The following TMEM107 variants were observed in gnomAD, a reference collection of about 807,000 sequenced individuals.
TMEM107 encodes transmembrane protein 107.
TMEM107 carries 18 observed loss-of-function variants against 16.8 expected under a neutral mutation model. That is an observed-to-expected ratio of 1.07 (90% CI 0.74 to 1.59). TMEM107 has a LOEUF of 1.59. Ranked by LOEUF, TMEM107 falls within the 40% of genes most tolerant of loss-of-function variation. TMEM107 has a pLI of 0.00. For synonymous variants in TMEM107, 68 were observed against 71.6 expected (o/e 0.95, Z 0.25); for missense variants, 152 against 175.4 (o/e 0.87, Z 0.75).
chr17:8,174,170 G>C lies in TMEM107; in HGVS notation c.*33C>G, dbSNP rs1395256847. 1 of 1,604,228 alleles carries C rather than the reference G, an allele frequency of 6.2e-7. No homozygotes were observed. The highest frequency in any genetic ancestry group is 2.2e-5 in the East Asian group (1 of 44,840). On this transcript the variant is annotated 3_prime_UTR_variant, in exon 5 of 5. Transcript: ENST00000437139. ...ATACGAAGCGGCCCTTGCCCCTGTA[G>C]GCTTCGTCCTTAGGTTCCCGTCATG... is the stretch of plus-strand genomic sequence containing the variant.
chr17:8,173,512 T>C lies in TMEM107; in HGVS notation c.*691A>G, dbSNP rs747896326. On this transcript the variant is annotated 3_prime_UTR_variant, in exon 5 of 5. Coordinates refer to ENST00000437139, the MANE Select transcript of TMEM107 (RefSeq NM_183065.4). Reference sequence around the variant, plus strand: ...TGATTACGCAGAGACGTTAATCACGTTTCATGCATCTCCAATCATCATGTT... The same window carrying C: ...TGATTACGCAGAGACGTTAATCACGCTTCATGCATCTCCAATCATCATGTT... The C allele has an allele frequency of 4.6e-5, 35 of 765,310 alleles. No homozygotes were observed. The highest frequency in any genetic ancestry group is 1.9e-4 in the Admixed American group (11 of 59,028). The allele number at this position is 765,310 out of a possible 1,614,324, so 47.4% of individuals were successfully genotyped here. A position where few individuals can be genotyped will look rare whatever the true frequency, so the allele number is the denominator to read the frequency against.
In TMEM107 at chr17:8,173,283, A is replaced by G. The variant is rs543768311; in HGVS notation, c.*920T>C. 35 of 536,200 alleles carry G rather than the reference A, an allele frequency of 6.5e-5. No homozygotes were observed. Among genetic ancestry groups the G allele is most frequent in the African/African-American group, 2.5e-4 (13 of 52,692 alleles). The allele number at this position is 536,200 out of a possible 1,614,324, so 33.2% of individuals were successfully genotyped here. On this transcript the variant is annotated 3_prime_UTR_variant, in exon 5 of 5. Transcript: ENST00000437139. ...AATTCCAGAAAGCAACAAAAACCAA[A>G]TCACAATTTTCAAGAACAAACAAAT...
rs866091800 is a variant in TMEM107 at position 8,173,350 on chromosome 17, G to C, written c.*853C>G. The C allele has an allele frequency of 4.9e-6, 3 of 608,242 alleles. No homozygotes were observed. Among genetic ancestry groups the C allele is most frequent in the African/African-American group, 1.8e-5 (1 of 54,408 alleles). 37.7% of individuals were successfully genotyped at this position (608,242 alleles called of 1,614,324 possible). A position where few individuals can be genotyped will look rare whatever the true frequency, so the allele number is the denominator to read the frequency against. On this transcript the variant is annotated 3_prime_UTR_variant, in exon 5 of 5. Coordinates refer to ENST00000437139, the MANE Select transcript of TMEM107 (RefSeq NM_183065.4). ...ATAGACAAACAGCAATAGCAAGACT[G>C]CAAAATAGACAAACAGCAAGGTTAT...
In TMEM107 at chr17:8,172,865, A is replaced by AC. The variant is rs1983642257; in HGVS notation, c.*1337_*1338insG. On this transcript the variant is annotated 3_prime_UTR_variant, in exon 5 of 5. Coordinates refer to ENST00000437139, the MANE Select transcript of TMEM107 (RefSeq NM_183065.4). Reference sequence around the variant, plus strand: ...AGAGTGAGACTGTCTCAAAAAAAAAAAAAAAAAAAACCAAAAGAGGGGGGT... The same window carrying AC: ...AGAGTGAGACTGTCTCAAAAAAAAAACAAAAAAAAAACCAAAAGAGGGGGGT... Among the ~76,000 whole-genome samples, 1 of 148,192 alleles carries AC rather than the reference A, an allele frequency of 6.7e-6. No homozygotes were observed. Among genetic ancestry groups the AC allele is most frequent in the Non-Finnish European group, 1.5e-5 (1 of 66,710 alleles).
Position 8,173,396 on chromosome 17 carries a change from T to TTC in TMEM107, c.*806_*807insGA, listed in dbSNP as rs1567549321. On this transcript the variant is annotated 3_prime_UTR_variant, in exon 5 of 5. Coordinates refer to ENST00000437139, the MANE Select transcript of TMEM107 (RefSeq NM_183065.4). ...GTTATCCCAGTCAGAACTTCATAGC[T>TTC]ATGTTTGTGGATATCTGCTAATCAG... 322 of 714,408 alleles carry TTC rather than the reference T, an allele frequency of 4.5e-4. No individual in the cohort carries two copies. Among genetic ancestry groups the TTC allele is most frequent in the African/African-American group, 4.2e-3 (243 of 57,904 alleles). 44.3% of individuals were successfully genotyped at this position (714,408 alleles called of 1,614,324 possible). A position where few individuals can be genotyped will look rare whatever the true frequency, so the allele number is the denominator to read the frequency against.
chr17:8,176,212 T>A lies in TMEM107; in HGVS notation c.75A>T (p.Leu25Phe). 1 of 1,613,670 alleles carries A rather than the reference T, an allele frequency of 6.2e-7. No individual in the cohort carries two copies. The highest frequency in any genetic ancestry group is 8.5e-7 in the Non-Finnish European group (1 of 1,179,896). ...CCGTGGGTCTTACCCGGGACCAGAA[T>A]AAGGTGATGACGACCACCAGATGCG... ...LLAHLVVVIT[L>F]FWSRDSNIQA... Residue 25 changes from leucine to phenylalanine, a missense_variant, in exon 1 of 5, where the codon TTA (leucine) becomes TTT (phenylalanine). Leu to Phe is a conservative substitution (Grantham distance 22, BLOSUM62 0). Transcript: ENST00000437139.
At chr17:8,174,344 C>T (rs1338296230) in intron 4 of TMEM107, 72 bp from the exon 5 acceptor site, 5 of 1,462,612 alleles carry the variant, frequency 3.4e-6, no homozygotes, top group Non-Finnish European at 3.8e-6. Context: ...AGAGACCCCA[C>T]CTCTGAAAGT....
rs1983730853 is a variant in TMEM107 at position 8,173,341 on chromosome 17, A to G, written c.*862T>C. ...GACTGCAAAATAGACAAACAGCAAT[A>G]GCAAGACTGCAAAATAGACAAACAG... On this transcript the variant is annotated 3_prime_UTR_variant, in exon 5 of 5. Coordinates refer to ENST00000437139, the MANE Select transcript of TMEM107 (RefSeq NM_183065.4). 5.0e-6 allele frequency: 3 copies of G among 598,776 alleles called. No individual in the cohort carries two copies. The highest frequency in any genetic ancestry group is 1.9e-5 in the African/African-American group (1 of 53,982). 37.1% of individuals were successfully genotyped at this position (598,776 alleles called of 1,614,324 possible).
chr17:8,173,420 A>T lies in TMEM107; in HGVS notation c.*783T>A. The T allele has an allele frequency of 2.7e-6, 2 of 748,112 alleles. No homozygotes were observed. The highest frequency in any genetic ancestry group is 4.9e-6 in the Non-Finnish European group (2 of 407,570). 46.3% of individuals were successfully genotyped at this position (748,112 alleles called of 1,614,324 possible). A position where few individuals can be genotyped will look rare whatever the true frequency, so the allele number is the denominator to read the frequency against. ...CTATGTTTGTGGATATCTGCTAATC[A>T]GCATAACACAAATGTAAGTGATCGT... On this transcript the variant is annotated 3_prime_UTR_variant, in exon 5 of 5. Transcript: ENST00000437139.
At position 8,174,140 on chromosome 17, in the gene TMEM107, C is replaced by T. The variant is rs1353158515; in HGVS notation, c.*63G>A. The T allele has an allele frequency of 6.8e-7, 1 of 1,470,498 alleles. No individual in the cohort carries two copies. The highest frequency in any genetic ancestry group is 9.5e-7 in the Non-Finnish European group (1 of 1,050,294). The allele number at this position is 1,470,498 out of a possible 1,614,324, so 91.1% of individuals were successfully genotyped here. On this transcript the variant is annotated 3_prime_UTR_variant, in exon 5 of 5. Transcript: ENST00000437139. Reference sequence around the variant, plus strand: ...ACCGAAGCCTATGCCTTCCTTCTTCCAGGAATACGAAGCGGCCCTTGCCCC... The same window carrying T: ...ACCGAAGCCTATGCCTTCCTTCTTCTAGGAATACGAAGCGGCCCTTGCCCC...
rs200458465 is a variant in TMEM107, at chr17:8,173,550, C to G, written c.*653G>C. Reference sequence around the variant, plus strand: ...CAATCATCATGTTCTAATCTGCCCTCCGGAGGAGGAACAGGTAAGGATTAT... The same window carrying G: ...CAATCATCATGTTCTAATCTGCCCTGCGGAGGAGGAACAGGTAAGGATTAT... On this transcript the variant is annotated 3_prime_UTR_variant, in exon 5 of 5. Transcript: ENST00000437139. 238 of 765,240 alleles carry G rather than the reference C, an allele frequency of 3.1e-4. 5 individuals are homozygous for G. In the East Asian group the frequency reaches 3.6e-3, roughly 12 times the overall value. 47.4% of individuals were successfully genotyped at this position (765,240 alleles called of 1,614,324 possible). A position where few individuals can be genotyped will look rare whatever the true frequency, so the allele number is the denominator to read the frequency against.
Position 8,173,865 on chromosome 17 carries a change from A to C in TMEM107, c.*338T>G, listed in dbSNP as rs554285174. 2.0e-6 allele frequency: 1 copy of C among 488,416 alleles called. No homozygotes were observed. Among genetic ancestry groups the C allele is most frequent in the African/African-American group, 1.9e-5 (1 of 51,324 alleles). The allele number at this position is 488,416 out of a possible 1,614,324, so 30.3% of individuals were successfully genotyped here. On this transcript the variant is annotated 3_prime_UTR_variant, in exon 5 of 5. Coordinates refer to ENST00000437139, the MANE Select transcript of TMEM107 (RefSeq NM_183065.4). Reference sequence around the variant, plus strand: ...CTCCGCCCACTCCCTTCCGCCAGGCACCTACCGTAGTAACCAAAATAGAAG... The same window carrying C: ...CTCCGCCCACTCCCTTCCGCCAGGCCCCTACCGTAGTAACCAAAATAGAAG...
At chr17:8,174,731 A>G in intron 3 of TMEM107, 115 bp from the exon 4 acceptor site, 1 of 884,064 alleles carries the variant, frequency 1.1e-6, no homozygotes, top group Non-Finnish European at 1.9e-6. Flanking sequence ...CTCCCTCACC[A>G]TGTTTCAAGG....
Position 8,174,530 on chromosome 17 carries a change from C to T in TMEM107, c.343G>A (p.Val115Ile), listed in dbSNP as rs932085393. 1 of 1,613,964 alleles carries T rather than the reference C, an allele frequency of 6.2e-7. No individual in the cohort carries two copies. Among genetic ancestry groups the T allele is most frequent in the African/African-American group, 1.3e-5 (1 of 74,888 alleles). The change falls in exon 4 of 5, where the codon GTC (valine) becomes ATC (isoleucine). Residue 115 changes from valine to isoleucine, a missense_variant. Transcript: ENST00000437139. ...WECTTYWYIF[V>I]FCSALPAVTE... ...TGGATGCTACCACACCTGCAGAAGA[C>T]AAAAATGTACCAATACGTAGTGCAC...
intron 3 of TMEM107, 113 bp from the exon 4 acceptor site, chr17:8,174,729 C>T: frequency 1.1e-6 from 1 of 913,356 alleles, no homozygotes; most frequent in Non-Finnish European, 1.8e-6. Context: ...TGCTCCCTCA[C>T]CATGTTTCAA....
Position 8,173,551 on chromosome 17 carries a change from C to CGGA in TMEM107, c.*649_*651dup, listed in dbSNP as rs1555525628. On this transcript the variant is annotated 3_prime_UTR_variant, in exon 5 of 5. Coordinates refer to ENST00000437139, the MANE Select transcript of TMEM107 (RefSeq NM_183065.4). Reference sequence around the variant, plus strand: ...AATCATCATGTTCTAATCTGCCCTCCGGAGGAGGAACAGGTAAGGATTATC... The same window carrying CGGA: ...AATCATCATGTTCTAATCTGCCCTCCGGAGGAGGAGGAACAGGTAAGGATTATC... The CGGA allele has an allele frequency of 2.6e-6, 2 of 765,024 alleles. No homozygotes were observed. The highest frequency in any genetic ancestry group is 3.4e-5 in the Admixed American group (2 of 58,994). The allele number at this position is 765,024 out of a possible 1,614,324, so 47.4% of individuals were successfully genotyped here. A position where few individuals can be genotyped will look rare whatever the true frequency, so the allele number is the denominator to read the frequency against.
rs142700905 is a variant in TMEM107 at position 8,173,442 on chromosome 17, T to A, written c.*761A>T. 2.6e-6 allele frequency: 2 copies of A among 761,164 alleles called. No individual in the cohort carries two copies. The highest frequency in any genetic ancestry group is 3.4e-5 in the African/African-American group (2 of 59,068). The allele number at this position is 761,164 out of a possible 1,614,324, so 47.2% of individuals were successfully genotyped here. A position where few individuals can be genotyped will look rare whatever the true frequency, so the allele number is the denominator to read the frequency against. ...ATCAGCATAACACAAATGTAAGTGA[T>A]CGTCAGAAAGAATCAGACAGGAGCA... On this transcript the variant is annotated 3_prime_UTR_variant, in exon 5 of 5. Transcript: ENST00000437139.
At chr17:8,174,354 T>C in intron 4 of TMEM107, 82 bp from the exon 5 acceptor site, 1 of 1,411,576 alleles carries the variant, frequency 7.1e-7, no homozygotes, top group East Asian at 2.3e-5. Context: ...CCTCTGAAAG[T>C]GTAGGGCAGG....
In TMEM107 at chr17:8,173,231, A is replaced by T; in HGVS notation, c.*972T>A. On this transcript the variant is annotated 3_prime_UTR_variant, in exon 5 of 5. Coordinates refer to ENST00000437139, the MANE Select transcript of TMEM107 (RefSeq NM_183065.4). ...AGTTATCAAACGACAAAAAACAAAG[A>T]GCCCATTTGTATTATTTCACTGCCT... The T allele has an allele frequency of 4.3e-6, 2 of 462,152 alleles. No homozygotes were observed. The highest frequency in any genetic ancestry group is 3.9e-6 in the Non-Finnish European group (1 of 256,390). The allele number at this position is 462,152 out of a possible 1,614,324, so 28.6% of individuals were successfully genotyped here.
Sources: gnomAD v4.1 joint callset for allele counts (sites outside exome capture counted in the v4.1 genomes callset) on GRCh38, gnomAD v4.1.1 for gene constraint, MANE v1.5 for transcripts, NCBI Gene and HGNC (gene_info 2026-07-23, HGNC 2026-07-21) for gene names.